ACTR3C: variants seen among roughly 807,000 people sequenced by gnomAD.
The protein encoded by ACTR3C is actin-related protein 3C.
A neutral mutation model predicts 26.3 loss-of-function variants in ACTR3C; 18 were observed. The ratio of observed to expected loss-of-function variants is 0.68; its 90% CI spans 0.47 to 1.01. The LOEUF (loss-of-function observed/expected upper bound fraction) is 1.01. ACTR3C is among the 50% of genes least tolerant of loss of function. The pLI is 0.00. For missense variants in ACTR3C, 184 were observed against 250.7 expected (o/e 0.73, Z 1.80); for synonymous variants, 55 against 94.5 (o/e 0.58, Z 2.42).
the ACTR3C span, among the ~76,000 whole-genome samples, chr7:150,156,178 C>T: frequency 5.8e-4 from 88 of 152,172 alleles, no homozygotes; most frequent in African/African-American, 2.0e-3. Flanking sequence ...TTATTGCATT[C>T]TCACCAGAGG....
the ACTR3C span, among the ~76,000 whole-genome samples, chr7:149,898,319 A>G: frequency 1.2e-4 from 19 of 152,264 alleles, no homozygotes; most frequent in African/African-American, 3.6e-4. Context: ...GCCACTGCCA[A>G]TGTGCCAACA....
chr7:150,237,485 T>A, the ACTR3C span, among the ~76,000 whole-genome samples: 1 of 151,952 alleles, frequency 6.6e-6, no homozygotes, highest in African/African-American at 2.4e-5. Context: ...TGTCCCACCC[T>A]GTCTTTCTGA....
the ACTR3C span, among the ~76,000 whole-genome samples, chr7:149,960,631 T>C: frequency 6.6e-6 from 1 of 151,996 alleles, no homozygotes. Flanking sequence ...CCAATGACAG[T>C]CTTGGAGTCG....
the ACTR3C span, among the ~76,000 whole-genome samples, chr7:149,996,418 C>T: frequency 0.018 from 2,716 of 149,604 alleles, 9 homozygotes; most frequent in African/African-American, 0.064. Context: ...AATTGCTATT[C>T]AGGAGCTGGA....
chr7:149,953,926 G>C, the ACTR3C span, among the ~76,000 whole-genome samples: 8 of 139,014 alleles, frequency 5.8e-5, no homozygotes, highest in Admixed American at 5.9e-4. Context: ...ATCCGCTTTG[G>C]CATATGGAAG....
At chr7:150,053,128 G>A in the ACTR3C span, among the ~76,000 whole-genome samples, 6 of 146,646 alleles carry the variant, frequency 4.1e-5, no homozygotes, top group African/African-American at 1.2e-4. Flanking sequence ...TTTCCACAGT[G>A]CTTCCCAAGG....
At chr7:150,177,875 T>C in the ACTR3C span, among the ~76,000 whole-genome samples, 1 of 150,966 alleles carries the variant, frequency 6.6e-6, no homozygotes, top group South Asian at 2.1e-4. Context: ...TATTTATCTG[T>C]CATATTGTAG....
At chr7:150,037,054 C>G in the ACTR3C span, among the ~76,000 whole-genome samples, 2 of 111,584 alleles carry the variant, frequency 1.8e-5, no homozygotes, top group African/African-American at 3.2e-5. Flanking sequence ...GCTCTCAGTC[C>G]CCACCCTCGC....
chr7:150,273,893 C>T (rs1442678338), intron 6 of ACTR3C, among the ~76,000 whole-genome samples: 31 of 152,126 alleles, frequency 2.0e-4, no homozygotes, highest in Admixed American at 7.8e-4. Flanking sequence ...TCTGTGAGAG[C>T]GCAAAGCCCC....
At chr7:149,977,470 G>A in the ACTR3C span, among the ~76,000 whole-genome samples, 2 of 152,154 alleles carry the variant, frequency 1.3e-5, no homozygotes, top group Non-Finnish European at 2.9e-5. Flanking sequence ...ATGGGAACCC[G>A]GCCACTTGTT....
At chr7:150,304,196 T>G (rs535574757) in intron 1 of ACTR3C, among the ~76,000 whole-genome samples, 1 of 152,244 alleles carries the variant, frequency 6.6e-6, no homozygotes, top group Non-Finnish European at 1.5e-5. Flanking sequence ...AGGTCTACAC[T>G]GGCTAGGTCT....
At chr7:150,283,987 C>A (rs1835556338) in intron 6 of ACTR3C, among the ~76,000 whole-genome samples, 1 of 151,008 alleles carries the variant, frequency 6.6e-6, no homozygotes, top group African/African-American at 2.5e-5. Context: ...TTCAAAATTC[C>A]CTGAAATCTA....
chr7:150,038,039 T>G, the ACTR3C span, among the ~76,000 whole-genome samples: 97,291 of 129,960 alleles, frequency 0.75, 38,867 homozygotes, highest in African/African-American at 0.83. Context: ...CCAAGAGCCA[T>G]GGGGGGAAGA....
the ACTR3C span, among the ~76,000 whole-genome samples, chr7:149,901,841 G>A: frequency 7.0e-6 from 1 of 143,878 alleles, no homozygotes; most frequent in East Asian, 2.1e-4. Flanking sequence ...AACCCAGGAG[G>A]TGAAGGTTGC....
chr7:150,206,020 G>C, the ACTR3C span, among the ~76,000 whole-genome samples: 1 of 152,158 alleles, frequency 6.6e-6, no homozygotes, highest in African/African-American at 2.4e-5. Context: ...AGAACACTGA[G>C]AGTTGGAAAG....
chr7:150,307,506 C>A (rs750224998), intron 1 of ACTR3C, among the ~76,000 whole-genome samples: 1 of 152,176 alleles, frequency 6.6e-6, no homozygotes, highest in Non-Finnish European at 1.5e-5. Context: ...TACCTTGTGA[C>A]CCCCTCCTCT....
At chr7:150,283,403 T>TTATCTA (rs2129612147) in intron 6 of ACTR3C, among the ~76,000 whole-genome samples, 1 of 150,226 alleles carries the variant, frequency 6.7e-6, no homozygotes, top group South Asian at 2.1e-4. Flanking sequence ...AACTGAACTG[T>TTATCTA]AATTTGTTTA....
the ACTR3C span, among the ~76,000 whole-genome samples, chr7:150,232,371 A>ATAT: frequency 1.3e-5 from 2 of 152,078 alleles, no homozygotes; most frequent in Admixed American, 6.6e-5. Context: ...ATGACTATTG[A>ATAT]TATTATTAGG....
At chr7:150,299,898 T>C (rs2129614102) in intron 1 of ACTR3C, among the ~76,000 whole-genome samples, 1 of 152,118 alleles carries the variant, frequency 6.6e-6, no homozygotes, top group African/African-American at 2.4e-5. Context: ...CACAACAGTG[T>C]GAATATAGTT....
Sources: gnomAD v4.1 joint callset for allele counts (sites outside exome capture counted in the v4.1 genomes callset) on GRCh38, gnomAD v4.1.1 for gene constraint, MANE v1.5 for transcripts, NCBI Gene and HGNC (gene_info 2026-07-23, HGNC 2026-07-21) for gene names.